The following MROH2A variants were observed in gnomAD, a reference collection of about 807,000 sequenced individuals.
MROH2A encodes the protein maestro heat-like repeat-containing protein family member 2A.
A neutral mutation model predicts 200.4 loss-of-function variants in MROH2A; 174 were observed. That is an observed-to-expected ratio of 0.87 (90% CI 0.77 to 0.98). MROH2A has a LOEUF of 0.98. Ranked by LOEUF, MROH2A falls within the 50% of genes least tolerant of loss-of-function variation. The probability of loss-of-function intolerance (pLI) is 0.00; values close to 1 mark genes in which losing one functional copy is unlikely to be tolerated. For missense variants in MROH2A, 2,045 were observed against 2,139.6 expected, an observed-to-expected ratio of 0.96 and a Z score of 0.87; for synonymous variants, 829 against 840.4, an observed-to-expected ratio of 0.99 and a Z score of 0.23.
chr2:233,807,985 C>A lies in MROH2A; in HGVS notation c.2295+130C>A. 1 of 1,205,658 alleles carries A rather than the reference C, an allele frequency of 8.3e-7. No individual in the cohort carries two copies. The highest frequency in any genetic ancestry group is 1.2e-6 in the Non-Finnish European group (1 of 857,212). The allele number at this position is 1,205,658 out of a possible 1,614,324, so 74.7% of individuals were successfully genotyped here. On this transcript the variant is annotated intron_variant, in intron 21 of 41. Coordinates refer to ENST00000389758, the MANE Select transcript of MROH2A (RefSeq NM_001394639.1). This position sits in a 1 kb window ranked among gnomAD's most constrained non-coding sequence, Gnocchi z 4.3. The stretch of plus-strand genomic sequence containing the variant: ...ACGGAGTCTCCTGTCATCAAAATGG[C>A]TGAGACATTGTCTTACTCTGAGACC...
At position 233,829,654 on chromosome 2, in the gene MROH2A, T is replaced by C. The variant is rs1186598822; in HGVS notation, c.4481T>C (p.Leu1494Pro). 2 of 1,476,398 alleles carry C rather than the reference T, an allele frequency of 1.4e-6. No homozygotes were observed. The highest frequency in any genetic ancestry group is 2.7e-5 in the East Asian group (1 of 36,538). The allele number at this position is 1,476,398 out of a possible 1,614,324, so 91.5% of individuals were successfully genotyped here. ...SELLRLKAFI[L>P]FGKLARVVGM... ...CTGCTGCGTCTGAAAGCCTTCATCC[T>C]CTTTGGAAAGCTGGCAAGGGTGGTC... The change falls in exon 38 of 42, where the codon CTC (leucine) becomes CCC (proline). Residue 1494 changes from leucine (L) to proline (P), a missense_variant. Leu to Pro is a moderately conservative substitution (Grantham distance 98). Coordinates refer to ENST00000389758, the MANE Select transcript of MROH2A (RefSeq NM_001394639.1).
chr2:233,808,823 G>GGT, intron 21 of MROH2A, among the ~76,000 whole-genome samples: 1 of 152,278 alleles, frequency 6.6e-6, no homozygotes, highest in African/African-American at 2.4e-5. Flanking sequence ...TCTGTTTAGG[G>GGT]GTGTTCACTT....
intron 19 of MROH2A, among the ~76,000 whole-genome samples, chr2:233,805,631 C>G (rs1460827889): frequency 6.6e-6 from 1 of 152,106 alleles, no homozygotes; most frequent in Non-Finnish European, 1.5e-5. Context: ...AGTTGGAGGA[C>G]TCAAACTTCT....
At position 233,809,174 on chromosome 2, in the gene MROH2A, A is replaced by G; in HGVS notation, c.2344A>G (p.Met782Val). Residue 782 changes from methionine (M) to valine (V), a missense_variant, in exon 22 of 42, where the codon ATG (methionine) becomes GTG (valine). Transcript: ENST00000389758. Reference protein sequence around the residue: ...RETVKSALMVMYSCVASYCHP... With the variant: ...RETVKSALMVVYSCVASYCHP... Reference sequence around the variant, plus strand: ...GACAGTGAAAAGTGCCCTCATGGTGATGTATAGCTGCGTGGCCTCCTACTG... The same window carrying G: ...GACAGTGAAAAGTGCCCTCATGGTGGTGTATAGCTGCGTGGCCTCCTACTG... The G allele has an allele frequency of 6.4e-7, 1 of 1,550,412 alleles. No homozygotes were observed. The highest frequency in any genetic ancestry group is 8.7e-7 in the Non-Finnish European group (1 of 1,146,932).
rs966570823 is a variant in MROH2A, at chr2:233,795,982, C to T, written c.1075C>T (p.Pro359Ser). ...CCCTCACCAGGTGTGCAACAAGGCC[C>T]CGGCCCAGCATCAGTACAGCAGCCA... ...ELHVQVCNKAPAQHQYSSQNL... is the reference protein window; with the variant it reads ...ELHVQVCNKASAQHQYSSQNL... The change falls in exon 10 of 42, where the codon CCG (proline) becomes TCG (serine). Residue 359 changes from proline (P) to serine (S), a missense_variant. Physicochemically the swap from Pro to Ser is moderately conservative, Grantham distance 74 (BLOSUM62 -1). Around this residue, in one of 3 missense-constraint regions of MROH2A, gnomAD observed 831 missense variants for 800.0 expected, o/e 1.04. Coordinates refer to ENST00000389758, the MANE Select transcript of MROH2A (RefSeq NM_001394639.1). 4.5e-6 allele frequency: 7 copies of T among 1,550,502 alleles called. No individual in the cohort carries two copies. The African/African-American group carries it at 9.6e-5, about 21-fold the overall frequency.
chr2:233,789,367 TG>T, intron 3 of MROH2A, 129 bp from the exon 4 acceptor site: 2 of 948,474 alleles, frequency 2.1e-6, no homozygotes, highest in Non-Finnish European at 2.8e-6. Flanking sequence ...AATGGAGGAA[TG>T]GGGATCTAAG....
At chr2:233,831,682 G>A in intron 39 of MROH2A, 142 bp downstream of exon 39, 3 of 943,514 alleles carry the variant, frequency 3.2e-6, no homozygotes, top group Middle Eastern at 2.3e-4. Context: ...GCACTGTGCA[G>A]CAGAAATAGA....
At chr2:233,796,804 A>C (rs949669172) in intron 11 of MROH2A, among the ~76,000 whole-genome samples, 1 of 152,236 alleles carries the variant, frequency 6.6e-6, no homozygotes, top group Non-Finnish European at 1.5e-5. Context: ...CTACAGGTAC[A>C]TAATGGTTAG....
At chr2:233,793,148 C>T (rs1015999587) in intron 6 of MROH2A, among the ~76,000 whole-genome samples, 1 of 152,184 alleles carries the variant, frequency 6.6e-6, no homozygotes, top group Non-Finnish European at 1.5e-5. Flanking sequence ...CTCCATTTAG[C>T]TTGCTTTGTA....
chr2:233,806,731 A>G (rs953183389), intron 19 of MROH2A, among the ~76,000 whole-genome samples: 15 of 152,184 alleles, frequency 9.9e-5, no homozygotes, highest in African/African-American at 3.4e-4. Flanking sequence ...TTTAACACGT[A>G]TAACATGCCT....
Position 233,813,661 on chromosome 2 carries a change from C to T in MROH2A, c.2652-9C>T. 6.5e-7 allele frequency: 1 copy of T among 1,527,490 alleles called. No individual in the cohort carries two copies. Among genetic ancestry groups the T allele is most frequent in the Non-Finnish European group, 8.9e-7 (1 of 1,126,556 alleles). The allele number at this position is 1,527,490 out of a possible 1,614,324, so 94.6% of individuals were successfully genotyped here. A position where few individuals can be genotyped will look rare whatever the true frequency, so the allele number is the denominator to read the frequency against. ...GACTGTTCCTCTCTTGTCACTGCTT[C>T]TTCTCCAGCAAGCTGAAGCCTTTCT... On this transcript the variant is annotated splice_polypyrimidine_tract_variant and intron_variant, in intron 24 of 41. Transcript: ENST00000389758.
At chr2:233,826,483 A>G (rs1335853091) in intron 35 of MROH2A, among the ~76,000 whole-genome samples, 1 of 152,244 alleles carries the variant, frequency 6.6e-6, no homozygotes, top group Non-Finnish European at 1.5e-5. Flanking sequence ...AGGATTCCAT[A>G]TTTAAAAAAT....
rs571419985 is a variant in MROH2A at position 233,808,831 on chromosome 2, C to T, written c.2296-295C>T. On this transcript the variant is annotated intron_variant, in intron 21 of 41. Coordinates refer to ENST00000389758, the MANE Select transcript of MROH2A (RefSeq NM_001394639.1). Reference sequence around the variant, plus strand: ...AGCAGCCTCTGTTTAGGGGTGTTCACTTGAGCACCTCCCCCCACAGGTGAT... The same window carrying T: ...AGCAGCCTCTGTTTAGGGGTGTTCATTTGAGCACCTCCCCCCACAGGTGAT... Among the ~76,000 whole-genome samples, 4 of 152,318 alleles carry T rather than the reference C, an allele frequency of 2.6e-5. No homozygotes were observed. In the East Asian group the frequency reaches 7.7e-4, roughly 29 times the overall value.
At chr2:233,794,801 A>G (rs899363764) in intron 8 of MROH2A, among the ~76,000 whole-genome samples, 5 of 152,288 alleles carry the variant, frequency 3.3e-5, no homozygotes, top group African/African-American at 1.2e-4. Flanking sequence ...AGAACCACAC[A>G]TGCGTAGCTT....
intron 1 of MROH2A, among the ~76,000 whole-genome samples, chr2:233,778,870 G>A (rs996061310): frequency 2.0e-5 from 3 of 152,322 alleles, no homozygotes; most frequent in African/African-American, 4.8e-5. Flanking sequence ...CCACTGGCCA[G>A]GAGTCTAGGC....
In MROH2A at chr2:233,795,987, CCAGCATCAGTACAG is replaced by C. The variant is rs1407481115; in HGVS notation, c.1085_1098del (p.His362ProfsTer45). 3.2e-6 allele frequency: 5 copies of C among 1,550,508 alleles called. No homozygotes were observed. Among genetic ancestry groups the C allele is most frequent in the Non-Finnish European group, 4.4e-6 (5 of 1,146,998 alleles). On this transcript the variant is annotated frameshift_variant, in exon 10 of 42. Coordinates refer to ENST00000389758, the MANE Select transcript of MROH2A (RefSeq NM_001394639.1). LOFTEE classifies it high-confidence loss of function. ...ACCAGGTGTGCAACAAGGCCCCGGCCCAGCATCAGTACAGCAGCCAGAATCTGATGGAGATGGTG... is the reference window on the plus strand; with the variant it reads ...ACCAGGTGTGCAACAAGGCCCCGGCCCAGCCAGAATCTGATGGAGATGGTG...
chr2:233,799,105 A>T (rs1702296424), intron 12 of MROH2A, among the ~76,000 whole-genome samples: 1 of 152,152 alleles, frequency 6.6e-6, no homozygotes, highest in Non-Finnish European at 1.5e-5. Flanking sequence ...GGCCGAGTAA[A>T]TCCAGCTGCA....
At chr2:233,809,421 GC>G in intron 22 of MROH2A, 143 bp downstream of exon 22, 2 of 880,252 alleles carry the variant, frequency 2.3e-6, no homozygotes, top group Non-Finnish European at 3.5e-6. Flanking sequence ...GAAGCCCATT[GC>G]CCAAATGTGC....
chr2:233,805,436 A>G (rs1008162714), intron 19 of MROH2A, among the ~76,000 whole-genome samples: 1 of 152,202 alleles, frequency 6.6e-6, no homozygotes, highest in African/African-American at 2.4e-5. Flanking sequence ...AAAGCACCCC[A>G]TGTTCATGGA....
Sources: gnomAD v4.1 joint callset for allele counts (sites outside exome capture counted in the v4.1 genomes callset) on GRCh38, gnomAD v4.1.1 for gene constraint, gnomAD v4.1.1 regional missense constraint, Gnocchi (gnomAD v3.1) non-coding constraint, MANE v1.5 for transcripts, NCBI Gene and HGNC (gene_info 2026-07-23, HGNC 2026-07-21) for gene names.